Variants in PCDHA3 observed in about 807,000 individuals in gnomAD.
The protein encoded by PCDHA3 is protocadherin alpha 3.
In PCDHA3, 41 loss-of-function variants were observed where a neutral mutation model predicts 62.2. The ratio of observed to expected loss-of-function variants is 0.66; its 90% CI spans 0.51 to 0.86. The LOEUF is 0.86. Ranked by LOEUF, PCDHA3 falls within the 40% of genes least tolerant of loss-of-function variation. The pLI, the probability that PCDHA3 is intolerant of heterozygous loss-of-function variation, is 0.00. For synonymous variants in PCDHA3, 640 were observed against 555.4 expected (o/e 1.15, Z -2.14); for missense variants, 1,304 against 1,241.2 (o/e 1.05, Z -0.76).
chr5:140,848,750 T>C, intron 1 of PCDHA3: 1 of 1,593,288 alleles, frequency 6.3e-7, no homozygotes. Context: ...GCATTTTGTT[T>C]GTGAATTCTC....
chr5:140,801,634 G>T lies in PCDHA3; in HGVS notation c.437G>T (p.Arg146Leu), dbSNP rs781799825. 1.9e-6 allele frequency: 3 copies of T among 1,614,002 alleles called. No homozygotes were observed. The highest frequency in any genetic ancestry group is 2.2e-5 in the South Asian group (2 of 91,078). Residue 146 changes from arginine (R) to leucine (L), a missense_variant, in exon 1 of 4, where the codon CGA becomes CTA. Arg to Leu is a moderately radical substitution (Grantham distance 102). Coordinates refer to ENST00000522353, the MANE Select transcript of PCDHA3 (RefSeq NM_018906.3). ...AAGAATCTGTTTATTTCCGAATCCC[G>T]ACAGCCTGGCTCTCGGTTTTCGCTA... Reference protein sequence around the residue: ...AVKNLFISESRQPGSRFSLEG... With the variant: ...AVKNLFISESLQPGSRFSLEG...
intron 1 of PCDHA3, among the ~76,000 whole-genome samples, chr5:140,963,229 G>A (rs1211084766): frequency 2.6e-5 from 4 of 152,134 alleles, no homozygotes; most frequent in African/African-American, 7.2e-5. Context: ...AGTAGACACT[G>A]TTTGATGGAT....
At chr5:140,908,662 G>C (rs1489476593) in intron 1 of PCDHA3, among the ~76,000 whole-genome samples, 4 of 152,114 alleles carry the variant, frequency 2.6e-5, no homozygotes, top group Non-Finnish European at 4.4e-5. Context: ...CCTGCCAAAG[G>C]CTCCAAATAG....
At position 140,835,844 on chromosome 5, in the gene PCDHA3, C is replaced by T. The variant is rs2150246309; in HGVS notation, c.2394+32253C>T. The T allele has an allele frequency of 8.1e-6, 13 of 1,612,362 alleles. No homozygotes were observed. The Admixed American group carries it at 1.0e-4, about 12-fold the overall frequency. On this transcript the variant is annotated intron_variant, in intron 1 of 3. Coordinates refer to ENST00000522353, the MANE Select transcript of PCDHA3 (RefSeq NM_018906.3). Reference sequence around the variant, plus strand: ...CGGGGGACGCGGACGCGCAGAAGAACGCGCTGGTGTCCTACTCGCTGGTGG... The same window carrying T: ...CGGGGGACGCGGACGCGCAGAAGAATGCGCTGGTGTCCTACTCGCTGGTGG...
intron 1 of PCDHA3, chr5:140,807,847 C>T (rs782247861): frequency 1.2e-6 from 2 of 1,614,116 alleles, no homozygotes; most frequent in East Asian, 2.2e-5. Flanking sequence ...GAGGCAAACC[C>T]GAGTTGACTG....
chr5:140,812,871 CCT>C (rs1765192585), intron 1 of PCDHA3: 1 of 152,106 alleles, frequency 6.6e-6, no homozygotes, highest in African/African-American at 2.4e-5. Context: ...TTTGATTTCC[CCT>C]TTCATTCAAA....
At chr5:140,824,289 C>A in intron 1 of PCDHA3, 1 of 983,136 alleles carries the variant, frequency 1.0e-6, no homozygotes, top group African/African-American at 1.6e-5. Flanking sequence ...TTTTATGAGG[C>A]TTTTCTGCTG....
At chr5:140,860,539 A>C (rs1017009247) in intron 1 of PCDHA3, 4 of 152,206 alleles carry the variant, frequency 2.6e-5, no homozygotes, top group African/African-American at 7.2e-5. Flanking sequence ...TTTGTAAGAC[A>C]AACCCACCTT....
At chr5:140,823,986 T>C (rs782505154) in intron 1 of PCDHA3, 1 of 1,613,742 alleles carries the variant, frequency 6.2e-7, no homozygotes, top group Non-Finnish European at 8.5e-7. Flanking sequence ...GCAAGCCCAC[T>C]CTGTTGTGCT....
chr5:140,983,030 T>C (rs1333101014), intron 3 of PCDHA3, among the ~76,000 whole-genome samples: 1 of 151,922 alleles, frequency 6.6e-6, no homozygotes, highest in African/African-American at 2.4e-5. Context: ...GGAAGATGGT[T>C]TCTCATGGAA....
chr5:140,869,508 C>G, intron 1 of PCDHA3: 1 of 1,614,196 alleles, frequency 6.2e-7, no homozygotes. Context: ...TGTTCTCGCT[C>G]AGAGAACAAA....
At chr5:140,887,100 T>TC (rs1231390589) in intron 1 of PCDHA3, among the ~76,000 whole-genome samples, 2 of 151,232 alleles carry the variant, frequency 1.3e-5, no homozygotes, top group Non-Finnish European at 2.9e-5. Flanking sequence ...TATCTTTATC[T>TC]CTTTTTTTTT....
intron 1 of PCDHA3, among the ~76,000 whole-genome samples, chr5:140,831,452 T>G (rs1554133237): frequency 6.6e-6 from 1 of 150,554 alleles, no homozygotes; most frequent in African/African-American, 2.4e-5. Context: ...CTCGAATGCC[T>G]GGGCTCAAGT....
In PCDHA3 at chr5:140,870,834, C is replaced by T. The variant is rs370941881; in HGVS notation, c.2394+67243C>T. ...CTGGCAGCGCGGGAGGCGCAGTTAA[C>T]AAGCTAGTACCGCGGTCGGTGGGTG... On this transcript the variant is annotated intron_variant, in intron 1 of 3. Transcript: ENST00000522353. 184 of 1,613,806 alleles carry T rather than the reference C, an allele frequency of 1.1e-4. 2 individuals are homozygous for T. In the South Asian group the frequency reaches 1.5e-3, roughly 13 times the overall value.
intron 1 of PCDHA3, among the ~76,000 whole-genome samples, chr5:140,886,130 C>T (rs2060865178): frequency 6.6e-6 from 1 of 152,144 alleles, no homozygotes; most frequent in African/African-American, 2.4e-5. Flanking sequence ...TCCGTAACAA[C>T]CAGATTCTTG....
At chr5:140,823,072 TCG>T (rs2150121964) in intron 1 of PCDHA3, 15 of 1,613,862 alleles carry the variant, frequency 9.3e-6, no homozygotes, top group Non-Finnish European at 1.3e-5. Context: ...GGGCTCGCCT[TCG>T]CTGTGGGCCA....
At chr5:140,948,395 T>C (rs1317288202) in intron 1 of PCDHA3, among the ~76,000 whole-genome samples, 1 of 151,580 alleles carries the variant, frequency 6.6e-6, no homozygotes, top group African/African-American at 2.4e-5. Context: ...TTCTGAAAGG[T>C]TGTGTAATAT....
intron 1 of PCDHA3, among the ~76,000 whole-genome samples, chr5:140,933,412 A>G (rs1466318521): frequency 2.6e-5 from 4 of 152,066 alleles, no homozygotes; most frequent in Non-Finnish European, 5.9e-5. Flanking sequence ...ATCTACAGAT[A>G]TTCTGTGTTC....
rs150949805 is a variant in PCDHA3, at chr5:141,009,832, C to T, written c.2748C>T (p.Phe916=). The stretch of plus-strand genomic sequence containing the variant: ...TTGACAAAAGTGACTTCATAACCTT[C>T]GGCAAAAAGGAGGAGACCAAGAAAA... ...SQIDKSDFIT[F]GKKEETKKKK... The change falls in exon 4 of 4, where the codon TTC becomes TTT. Residue 916 remains phenylalanine (F), a synonymous_variant. Coordinates refer to ENST00000522353, the MANE Select transcript of PCDHA3 (RefSeq NM_018906.3). The T allele has an allele frequency of 7.1e-5, 114 of 1,613,408 alleles. No individual in the cohort carries two copies. The highest frequency in any genetic ancestry group is 9.2e-5 in the Non-Finnish European group (109 of 1,179,918).
Sources: gnomAD v4.1 joint callset for allele counts (sites outside exome capture counted in the v4.1 genomes callset) on GRCh38, gnomAD v4.1.1 for gene constraint, MANE v1.5 for transcripts, NCBI Gene and HGNC (gene_info 2026-07-23, HGNC 2026-07-21) for gene names.